Variants in BABAM2 observed in about 807,000 individuals in gnomAD.
BABAM2 encodes the protein BRISC and BRCA1 A complex member 2.
Under a neutral mutation model 54.7 loss-of-function variants are expected in BABAM2, and 31 were observed. That is an observed-to-expected ratio of 0.57 (90% CI 0.43 to 0.77). BABAM2 has a LOEUF of 0.77. BABAM2 is among the 30% of genes least tolerant of loss of function. The probability of loss-of-function intolerance (pLI) is 0.00; values close to 1 mark genes in which losing one functional copy is unlikely to be tolerated. For synonymous variants in BABAM2, 167 were observed against 162.9 expected (o/e 1.03, Z -0.19); for missense variants, 364 against 455.8 (o/e 0.80, Z 1.83).
At chr2:27,906,026 A>G (rs1666166507) in intron 2 of BABAM2, among the ~76,000 whole-genome samples, 1 of 152,230 alleles carries the variant, frequency 6.6e-6, no homozygotes, top group Non-Finnish European at 1.5e-5. Context: ...GATACATGCA[A>G]CAGTTGTTAA....
intron 7 of BABAM2, among the ~76,000 whole-genome samples, chr2:28,197,853 G>C (rs1258341041): frequency 1.3e-5 from 2 of 152,214 alleles, no homozygotes; most frequent in African/African-American, 4.8e-5. Flanking sequence ...ATCCAGAAGA[G>C]TAGGTCAGCA....
intron 3 of BABAM2, among the ~76,000 whole-genome samples, chr2:27,976,025 A>G (rs1184012529): frequency 6.6e-6 from 1 of 152,128 alleles, no homozygotes; most frequent in Non-Finnish European, 1.5e-5. Context: ...TAGAATGACT[A>G]AAATCAATGA....
intron 6 of BABAM2, among the ~76,000 whole-genome samples, chr2:28,122,814 A>G (rs929728085): frequency 1.3e-5 from 2 of 152,056 alleles, no homozygotes; most frequent in African/African-American, 4.8e-5. Flanking sequence ...GATATTTGCA[A>G]AGAGCCTCAA....
chr2:28,089,036 A>AG (rs971904135), intron 6 of BABAM2, among the ~76,000 whole-genome samples: 1 of 151,138 alleles, frequency 6.6e-6, no homozygotes, highest in Non-Finnish European at 1.5e-5. Context: ...TAGTGCATTT[A>AG]GGGTTTTTTT....
intron 7 of BABAM2, among the ~76,000 whole-genome samples, chr2:28,155,552 T>C (rs1438766039): frequency 1.3e-5 from 2 of 152,162 alleles, no homozygotes; most frequent in Non-Finnish European, 2.9e-5. Flanking sequence ...AGTGCTGAGG[T>C]AATAAATGTA....
Position 27,894,519 on chromosome 2 carries a change from C to G in BABAM2, c.-24-14C>G. 6.2e-7 allele frequency: 1 copy of G among 1,611,460 alleles called. No individual in the cohort carries two copies. Among genetic ancestry groups the G allele is most frequent in the Non-Finnish European group, 8.5e-7 (1 of 1,177,666 alleles). Reference sequence around the variant, plus strand: ...TTGTAAGCCCTGATCATTATTCTTTCCTTCTGCTTTCAGTGGTGATTTACA... The same window carrying G: ...TTGTAAGCCCTGATCATTATTCTTTGCTTCTGCTTTCAGTGGTGATTTACA... On this transcript the variant is annotated splice_polypyrimidine_tract_variant and intron_variant, in intron 1 of 11. Transcript: ENST00000379624.
At chr2:28,028,336 A>C (rs1676025486) in intron 5 of BABAM2, among the ~76,000 whole-genome samples, 1 of 152,122 alleles carries the variant, frequency 6.6e-6, no homozygotes, top group African/African-American at 2.4e-5. Context: ...GTGACAGCCC[A>C]TCACTTTTGC....
chr2:28,069,573 G>A (rs1460184946), intron 6 of BABAM2, among the ~76,000 whole-genome samples: 1 of 152,158 alleles, frequency 6.6e-6, no homozygotes, highest in Non-Finnish European at 1.5e-5. Context: ...CTGCTACCAT[G>A]AGAATTGTGG....
At chr2:28,267,440 C>CAT (rs774440468) in intron 10 of BABAM2, among the ~76,000 whole-genome samples, 3 of 107,596 alleles carry the variant, frequency 2.8e-5, no homozygotes, top group Admixed American at 8.7e-5. Flanking sequence ...CACACACATA[C>CAT]ACACACACAC....
At chr2:28,150,828 G>C (rs1041625262) in intron 7 of BABAM2, among the ~76,000 whole-genome samples, 2 of 152,174 alleles carry the variant, frequency 1.3e-5, no homozygotes, top group African/African-American at 4.8e-5. Context: ...AAGTGAACTG[G>C]ATGGTCCTCC....
intron 7 of BABAM2, among the ~76,000 whole-genome samples, chr2:28,208,469 G>C (rs1558437245): frequency 6.6e-6 from 1 of 152,182 alleles, no homozygotes; most frequent in Non-Finnish European, 1.5e-5. Flanking sequence ...TGATGGGACT[G>C]CCTGCTGACC....
intron 7 of BABAM2, among the ~76,000 whole-genome samples, chr2:28,200,307 C>G (rs1474516623): frequency 6.6e-6 from 1 of 152,226 alleles, no homozygotes; most frequent in Non-Finnish European, 1.5e-5. Flanking sequence ...CCAAGTGTCT[C>G]TCCATACATG....
chr2:28,274,133 C>A (rs1685671813), intron 10 of BABAM2, among the ~76,000 whole-genome samples: 1 of 152,146 alleles, frequency 6.6e-6, no homozygotes, highest in Non-Finnish European at 1.5e-5. Flanking sequence ...TATCTGGCGG[C>A]CTTCCCCAGT....
intron 11 of BABAM2, among the ~76,000 whole-genome samples, chr2:28,336,849 C>T (rs2148347034): frequency 6.6e-6 from 1 of 152,384 alleles, no homozygotes; most frequent in Middle Eastern, 3.4e-3. Context: ...CACAGGATCC[C>T]CGGTGAGTGC....
intron 4 of BABAM2, among the ~76,000 whole-genome samples, chr2:27,998,752 G>A (rs932605874): frequency 6.6e-6 from 1 of 152,140 alleles, no homozygotes; most frequent in East Asian, 1.9e-4. Flanking sequence ...GGTTATGGTT[G>A]ATAACTTACT....
chr2:28,073,061 T>C (rs1400478910), intron 6 of BABAM2, among the ~76,000 whole-genome samples: 1 of 152,248 alleles, frequency 6.6e-6, no homozygotes, highest in African/African-American at 2.4e-5. Context: ...TTGAGTTCTC[T>C]GGTATTGAGC....
intron 4 of BABAM2, among the ~76,000 whole-genome samples, chr2:28,014,666 T>TA (rs1305738022): frequency 7.5e-6 from 1 of 132,472 alleles, no homozygotes; most frequent in Admixed American, 8.1e-5. Context: ...AATATGAAGC[T>TA]GGTTTTTTTT....
At chr2:28,179,285 A>T (rs1220369113) in intron 7 of BABAM2, among the ~76,000 whole-genome samples, 1 of 152,188 alleles carries the variant, frequency 6.6e-6, no homozygotes, top group Non-Finnish European at 1.5e-5. Flanking sequence ...GTAATGTAGC[A>T]TGATTAAGTG....
intron 2 of BABAM2, among the ~76,000 whole-genome samples, chr2:27,923,108 G>A (rs1365548432): frequency 1.3e-5 from 2 of 152,160 alleles, no homozygotes; most frequent in African/African-American, 4.8e-5. Context: ...CCGACCCAAA[G>A]AAACTGTGAA....
Sources: gnomAD v4.1 joint callset for allele counts (sites outside exome capture counted in the v4.1 genomes callset) on GRCh38, gnomAD v4.1.1 for gene constraint, MANE v1.5 for transcripts, NCBI Gene and HGNC (gene_info 2026-07-23, HGNC 2026-07-21) for gene names.